TENM3: variants seen among roughly 807,000 people sequenced by gnomAD.
TENM3 encodes the protein teneurin transmembrane protein 3.
Under a neutral mutation model 255.1 loss-of-function variants are expected in TENM3, and 63 were observed. The observed-to-expected ratio is 0.25, with a 90% CI of 0.20 to 0.30. The LOEUF is 0.30. TENM3 is among the 10% of genes least tolerant of loss of function. The probability of loss-of-function intolerance (pLI) is 1.00; values close to 1 mark genes in which losing one functional copy is unlikely to be tolerated. For missense variants in TENM3, 2,929 were observed against 3,461.1 expected, an observed-to-expected ratio of 0.85 and a Z score of 3.86; for synonymous variants, 1,306 against 1,322.3, an observed-to-expected ratio of 0.99 and a Z score of 0.27.
chr4:181,955,543 C>A, the TENM3 span, among the ~76,000 whole-genome samples: 1 of 152,112 alleles, frequency 6.6e-6, no homozygotes, highest in Non-Finnish European at 1.5e-5. Flanking sequence ...AGAGGTGCAG[C>A]AAATCATGGC....
intron 3 of TENM3, among the ~76,000 whole-genome samples, chr4:182,510,462 C>T (rs1737279092): frequency 6.6e-6 from 1 of 152,140 alleles, no homozygotes; most frequent in Non-Finnish European, 1.5e-5. Context: ...TTTTGAAATC[C>T]TCTTTATCTT....
chr4:182,272,148 G>A lies in TENM3; in HGVS notation c.-76+28672G>A, dbSNP rs114050979. 2.8e-3 allele frequency among the ~76,000 whole-genome samples: 428 copies of A among 152,242 alleles called. 1 individual carries two copies. Among genetic ancestry groups the A allele is most frequent in the African/African-American group, 9.5e-3 (393 of 41,536 alleles). ...TAGATGTCTTATTTATTGAGTCGAC[G>A]TATTTTTGCAAAGGTTCCGTAGACT... On this transcript the variant is annotated intron_variant, in intron 1 of 27. Transcript: ENST00000511685.
the TENM3 span, among the ~76,000 whole-genome samples, chr4:181,692,317 CTCTA>C: frequency 6.6e-6 from 1 of 152,160 alleles, no homozygotes; most frequent in Non-Finnish European, 1.5e-5. Flanking sequence ...TTGTCTTACA[CTCTA>C]TCATTTCCAA....
rs560388336 is a variant in TENM3 at position 182,763,518 on chromosome 4, T to C, written c.4892+8259T>C. On this transcript the variant is annotated intron_variant, in intron 22 of 27. Transcript: ENST00000511685. ...AGTTGGAGCTTGCAGTGAGCCCAGA[T>C]CGTGCCAGCCTGGGCGACAGAGTGA... is the stretch of plus-strand genomic sequence containing the variant. Among the ~76,000 whole-genome samples the C allele has an allele frequency of 3.5e-3, 537 of 151,572 alleles. 2 individuals carry two copies. Among genetic ancestry groups the C allele is most frequent in the Non-Finnish European group, 6.1e-3 (411 of 67,928 alleles).
At chr4:181,507,404 A>G in the TENM3 span, among the ~76,000 whole-genome samples, 10 of 152,350 alleles carry the variant, frequency 6.6e-5, 1 homozygote, top group East Asian at 1.9e-3. Flanking sequence ...AAATGCATGT[A>G]AATTCCCTGC....
chr4:182,065,315 G>T, the TENM3 span, among the ~76,000 whole-genome samples: 3 of 152,160 alleles, frequency 2.0e-5, no homozygotes, highest in South Asian at 6.2e-4. Context: ...GATTACAGGC[G>T]TGAGCCACCA....
At chr4:181,917,581 A>G in the TENM3 span, among the ~76,000 whole-genome samples, 8 of 151,820 alleles carry the variant, frequency 5.3e-5, no homozygotes, top group Admixed American at 1.3e-4. Context: ...CACTCTACAC[A>G]TCAGTTCAGG....
chr4:182,537,869 AAT>A (rs1355210688), intron 3 of TENM3, among the ~76,000 whole-genome samples: 2 of 152,158 alleles, frequency 1.3e-5, no homozygotes, highest in Non-Finnish European at 2.9e-5. Context: ...TGCAAACTGA[AAT>A]ATATTTATAT....
the TENM3 span, among the ~76,000 whole-genome samples, chr4:181,601,143 T>C: frequency 6.6e-6 from 1 of 152,206 alleles, no homozygotes; most frequent in Admixed American, 6.5e-5. Flanking sequence ...CTATGGCTGC[T>C]GTAACCAATG....
intron 3 of TENM3, among the ~76,000 whole-genome samples, chr4:182,428,766 T>C (rs1771416740): frequency 6.6e-6 from 1 of 152,158 alleles, no homozygotes; most frequent in Admixed American, 6.5e-5. Flanking sequence ...TTGTTAAAAT[T>C]TCCTAGCACA....
the TENM3 span, among the ~76,000 whole-genome samples, chr4:181,844,305 G>C: frequency 6.6e-6 from 1 of 152,098 alleles, no homozygotes; most frequent in Non-Finnish European, 1.5e-5. Flanking sequence ...ATGGAAATAC[G>C]CTGTGGGAGA....
At chr4:182,016,745 G>C in the TENM3 span, among the ~76,000 whole-genome samples, 2 of 151,942 alleles carry the variant, frequency 1.3e-5, no homozygotes, top group Non-Finnish European at 2.9e-5. Context: ...ATGAACATAG[G>C]CCATTAACAT....
chr4:181,559,020 T>C, the TENM3 span, among the ~76,000 whole-genome samples: 1 of 152,112 alleles, frequency 6.6e-6, no homozygotes, highest in African/African-American at 2.4e-5. Flanking sequence ...ATCTGACCTT[T>C]GTTTATCTTC....
chr4:181,911,414 A>C, the TENM3 span, among the ~76,000 whole-genome samples: 6 of 152,200 alleles, frequency 3.9e-5, no homozygotes, highest in African/African-American at 1.4e-4. Flanking sequence ...CAATAAAGCC[A>C]AGCTTTTTTC....
chr4:182,546,666 G>A (rs960333302), intron 3 of TENM3, among the ~76,000 whole-genome samples: 18 of 151,842 alleles, frequency 1.2e-4, no homozygotes, highest in Admixed American at 4.6e-4. Flanking sequence ...TCTGAAAACC[G>A]ACAATCTTTT....
chr4:182,410,672 A>G (rs1443324705), intron 3 of TENM3, among the ~76,000 whole-genome samples: 2 of 152,226 alleles, frequency 1.3e-5, no homozygotes, highest in Non-Finnish European at 2.9e-5. Flanking sequence ...ATGAGAGGCC[A>G]ACAGCAGAGC....
chr4:182,594,360 T>C (rs1224237980), intron 3 of TENM3, among the ~76,000 whole-genome samples: 1 of 152,010 alleles, frequency 6.6e-6, no homozygotes, highest in East Asian at 1.9e-4. Context: ...CTTTTTTGTC[T>C]CTACAAAAAA....
At chr4:181,573,160 T>C in the TENM3 span, among the ~76,000 whole-genome samples, 1 of 152,222 alleles carries the variant, frequency 6.6e-6, no homozygotes, top group Non-Finnish European at 1.5e-5. Flanking sequence ...CACTTAGGTC[T>C]CTTCCAAATC....
the TENM3 span, among the ~76,000 whole-genome samples, chr4:181,481,249 A>G: frequency 6.6e-6 from 1 of 152,204 alleles, no homozygotes; most frequent in Non-Finnish European, 1.5e-5. Flanking sequence ...GTATTAAATC[A>G]AAAGTAAAAT....
Sources: allele counts gnomAD v4.1 joint callset (sites outside exome capture counted in the v4.1 genomes callset), GRCh38; gene constraint gnomAD v4.1.1; transcripts MANE v1.5; gene names NCBI Gene and HGNC (gene_info 2026-07-23, HGNC 2026-07-21).